Variants in DNAH3 observed in about 807,000 individuals in gnomAD.
The protein encoded by DNAH3 is dynein axonemal heavy chain 3, also known as axonemal beta dynein heavy chain 3.
Under a neutral mutation model 432.5 loss-of-function variants are expected in DNAH3, and 332 were observed. The observed-to-expected ratio is 0.77, with a 90% CI of 0.70 to 0.84. DNAH3 has a LOEUF of 0.84. Ranked by LOEUF, DNAH3 falls within the 40% of genes least tolerant of loss-of-function variation. The pLI, the probability that DNAH3 is intolerant of heterozygous loss-of-function variation, is 0.00. For synonymous variants in DNAH3, 1,956 were observed against 1,900.2 expected, an observed-to-expected ratio of 1.03 and a Z score of -0.76; for missense variants, 4,861 against 5,114.0, an observed-to-expected ratio of 0.95 and a Z score of 1.51.
chr16:20,973,739 A>G (rs1433806761), intron 51 of DNAH3, among the ~76,000 whole-genome samples: 1 of 152,266 alleles, frequency 6.6e-6, no homozygotes, highest in Non-Finnish European at 1.5e-5. Context: ...ATCACCTTCA[A>G]GCGGGTTTCC....
exon 53 of DNAH3, chr16:20,964,227 C>G: frequency 6.2e-7 from 1 of 1,614,170 alleles, no homozygotes; most frequent in Non-Finnish European, 8.5e-7. Flanking sequence ...GGTTCTTTTT[C>G]TCTTCCAGCT....
At chr16:20,980,278 C>CATATATTATAATATATATT in intron 49 of DNAH3, among the ~76,000 whole-genome samples, 1 of 131,868 alleles carries the variant, frequency 7.6e-6, no homozygotes, top group Non-Finnish European at 1.6e-5. Context: ...TAATATACAT[C>CATATATTATAATATATATT]ATATATTATA....
chr16:21,102,420 G>A (rs557258397), intron 16 of DNAH3, among the ~76,000 whole-genome samples: 53 of 152,238 alleles, frequency 3.5e-4, no homozygotes, highest in African/African-American at 1.1e-3. Flanking sequence ...GTTGAGAAGC[G>A]TTTTTCTCCC....
rs151183800 is a variant in DNAH3, at chr16:21,051,865, C to T, written c.4043G>A (p.Arg1348His). The change falls in exon 29 of 62, where the codon CGC becomes CAC. Residue 1348 changes from arginine (R) to histidine (H), a missense_variant. Arg to His is a conservative substitution (Grantham distance 29). Coordinates refer to ENST00000261383, the Ensembl canonical transcript of DNAH3. ...CTCAGATAACTTGGCCACCACGTCGCGGGCTGTTGGGACACAGATGCAGAA... is the reference window on the plus strand; with the variant it reads ...CTCAGATAACTTGGCCACCACGTCGTGGGCTGTTGGGACACAGATGCAGAA... 44 of 1,614,018 alleles carry T rather than the reference C, an allele frequency of 2.7e-5. No individual in the cohort carries two copies. Among genetic ancestry groups the T allele is most frequent in the African/African-American group, 1.6e-4 (12 of 74,918 alleles).
chr16:20,987,634 T>A lies in DNAH3; in HGVS notation c.6882+59A>T. On this transcript the variant is annotated intron_variant, in intron 46 of 61. Coordinates refer to ENST00000261383, the Ensembl canonical transcript of DNAH3. ...GTTAGCTATTACTGCTATTACTACA[T>A]GTTCTATGTAGCCAAGGATATGCTG... is the stretch of plus-strand genomic sequence containing the variant. 8.8e-6 allele frequency: 14 copies of A among 1,593,382 alleles called. 1 individual carries two copies. The highest frequency in any genetic ancestry group is 3.6e-4 in the Middle Eastern group (2 of 5,624).
At chr16:21,026,902 AAAT>A in intron 38 of DNAH3, 122 bp downstream of exon 38, 4 of 648,416 alleles carry the variant, frequency 6.2e-6, no homozygotes, top group East Asian at 2.9e-5. Flanking sequence ...TTGGAAAGAA[AAAT>A]AATAATAATG....
At chr16:21,003,242 A>C in intron 41 of DNAH3, 35 bp from the exon 42 acceptor site, 1 of 1,441,820 alleles carries the variant, frequency 6.9e-7, no homozygotes, top group Admixed American at 2.1e-5. Context: ...TCATTAGCAC[A>C]TGAAGGCTTT....
chr16:20,936,906 C>G, intron 59 of DNAH3, 53 bp from the exon 60 acceptor site: 1 of 1,429,774 alleles, frequency 7.0e-7, no homozygotes, highest in Non-Finnish European at 9.7e-7. Flanking sequence ...CCACATTCTA[C>G]CCAAGTCCAC....
Position 21,089,159 on chromosome 16 carries a change from G to A in DNAH3, c.2666-2099C>T, listed in dbSNP as rs1440475718. 3.9e-5 allele frequency among the ~76,000 whole-genome samples: 6 copies of A among 152,168 alleles called. No homozygotes were observed. The East Asian group carries it at 5.8e-4, about 15-fold the overall frequency. On this transcript the variant is annotated intron_variant, in intron 18 of 61. Coordinates refer to ENST00000261383, the Ensembl canonical transcript of DNAH3. ...AGAGTTTCTGAGTCAGGTCTGGAGC[G>A]AGGGCTCAAGATTTTGCATTTTTAA...
chr16:21,097,464 C>T (rs2091716995), exon 18 of DNAH3: 1 of 1,613,952 alleles, frequency 6.2e-7, no homozygotes, highest in Non-Finnish European at 8.5e-7. Context: ...AAGTACTCTT[C>T]TCCTTTTCCA....
chr16:20,966,525 T>C (rs2085070849), intron 52 of DNAH3, among the ~76,000 whole-genome samples: 1 of 152,198 alleles, frequency 6.6e-6, no homozygotes, highest in African/African-American at 2.4e-5. Context: ...ATTCCCTTTA[T>C]AGCACTTATT....
At chr16:21,040,153 C>G (rs540060437) in intron 32 of DNAH3, among the ~76,000 whole-genome samples, 1 of 151,940 alleles carries the variant, frequency 6.6e-6, no homozygotes, top group African/African-American at 2.4e-5. Context: ...TGGCCCTATG[C>G]GGGTACATGT....
At position 21,117,353 on chromosome 16, in the gene DNAH3, A is replaced by G. The variant is rs2092228894; in HGVS notation, c.1700-36T>C. On this transcript the variant is annotated intron_variant, in intron 11 of 61. Transcript: ENST00000261383. ...GACAGATTCCACCTGAAGAGTAAAC[A>G]CCACTTTTGCATGTTGCAAGACTTA... 1 of 1,425,222 alleles carries G rather than the reference A, an allele frequency of 7.0e-7. No homozygotes were observed. Among genetic ancestry groups the G allele is most frequent in the African/African-American group, 1.4e-5 (1 of 70,866 alleles). 88.3% of individuals were successfully genotyped at this position (1,425,222 alleles called of 1,614,324 possible). A position where few individuals can be genotyped will look rare whatever the true frequency, so the allele number is the denominator to read the frequency against.
intron 52 of DNAH3, among the ~76,000 whole-genome samples, chr16:20,968,876 A>C (rs1596996196): frequency 5.4e-5 from 7 of 128,806 alleles, no homozygotes; most frequent in South Asian, 2.5e-4. Flanking sequence ...TTTTCTTCCC[A>C]CTCTGTCTCT....
chr16:21,036,231 C>A (rs1352965251), intron 35 of DNAH3, among the ~76,000 whole-genome samples: 3 of 152,066 alleles, frequency 2.0e-5, no homozygotes, highest in Non-Finnish European at 4.4e-5. Context: ...GAGGCTGAGG[C>A]AGGAGAATCG....
intron 1 of DNAH3, among the ~76,000 whole-genome samples, chr16:21,155,621 CAAAAAAAAAA>C (rs369001374): frequency 1.3e-5 from 1 of 76,814 alleles, no homozygotes; most frequent in African/African-American, 5.7e-5. Context: ...GACTCCGTCT[CAAAAAAAAAA>C]AAAAAAAAAA....
intron 26 of DNAH3, 75 bp from the exon 27 acceptor site, chr16:21,058,271 A>T (rs2090206260): frequency 4.7e-6 from 4 of 845,906 alleles, no homozygotes; most frequent in Non-Finnish European, 2.0e-6. Context: ...AACATGCCCC[A>T]ACCACCTCAC....
intron 1 of DNAH3, among the ~76,000 whole-genome samples, chr16:21,157,016 C>CACACAT (rs1280447564): frequency 6.6e-6 from 1 of 151,928 alleles, no homozygotes; most frequent in Non-Finnish European, 1.5e-5. Context: ...CACACACACA[C>CACACAT]ACACACACAA....
intron 54 of DNAH3, among the ~76,000 whole-genome samples, chr16:20,958,084 T>C (rs2084655760): frequency 6.6e-6 from 1 of 151,294 alleles, no homozygotes; most frequent in Non-Finnish European, 1.5e-5. Context: ...TTTTTTTTTT[T>C]TTTTTTGAGA....
Sources: gnomAD v4.1 joint callset for allele counts (sites outside exome capture counted in the v4.1 genomes callset) on GRCh38, gnomAD v4.1.1 for gene constraint, MANE v1.5 for transcripts, NCBI Gene and HGNC (gene_info 2026-07-23, HGNC 2026-07-21) for gene names.